The following DTNB variants were observed in gnomAD, a reference collection of about 807,000 sequenced individuals.
DTNB encodes dystrobrevin beta.
DTNB carries 63 observed loss-of-function variants against 90.7 expected under a neutral mutation model. The observed-to-expected ratio is 0.69, with a 90% CI of 0.57 to 0.86. The LOEUF (loss-of-function observed/expected upper bound fraction) is 0.86. Among genes scored for constraint, DTNB ranks in the 40% least tolerant of loss-of-function variants. DTNB has a pLI of 0.00. For synonymous variants in DTNB, 277 were observed against 286.7 expected (o/e 0.97, Z 0.34); for missense variants, 744 against 807.1 (o/e 0.92, Z 0.95).
At chr2:25,572,374 G>A (rs767608605) in intron 8 of DTNB, among the ~76,000 whole-genome samples, 30 of 151,988 alleles carry the variant, frequency 2.0e-4, no homozygotes, top group Non-Finnish European at 3.8e-4. Context: ...GGCTGAGGCA[G>A]GAGAATGGCG....
At chr2:25,543,831 T>C (rs1343509826) in intron 8 of DTNB, among the ~76,000 whole-genome samples, 1 of 152,244 alleles carries the variant, frequency 6.6e-6, no homozygotes, top group South Asian at 2.1e-4. Context: ...TTGTTGTTGC[T>C]GTTGTTAAAG....
chr2:25,620,500 T>C (rs564563666), intron 4 of DTNB, among the ~76,000 whole-genome samples: 2 of 152,264 alleles, frequency 1.3e-5, no homozygotes, highest in South Asian at 4.1e-4. Flanking sequence ...GCCCTTTCTT[T>C]TAAAAAAATA....
chr2:25,509,837 A>C (rs2073526228), intron 9 of DTNB, among the ~76,000 whole-genome samples: 1 of 139,394 alleles, frequency 7.2e-6, no homozygotes, highest in South Asian at 2.2e-4. Context: ...TGCAACCTCC[A>C]TCTCTTGGGT....
At chr2:25,535,224 T>TGG (rs2079224707) in intron 8 of DTNB, among the ~76,000 whole-genome samples, 1 of 123,508 alleles carries the variant, frequency 8.1e-6, no homozygotes, top group Non-Finnish European at 1.7e-5. Context: ...TCCCAGACTA[T>TGG]GGGTGGCCAG....
At chr2:25,607,519 A>C (rs1223994612) in intron 4 of DTNB, among the ~76,000 whole-genome samples, 198 bp from the exon 5 acceptor site, 1 of 152,110 alleles carries the variant, frequency 6.6e-6, no homozygotes, top group Admixed American at 6.6e-5. Context: ...AGAATGCTAA[A>C]GCTAGCCTGA....
chr2:25,548,962 A>G (rs927994313), intron 8 of DTNB, among the ~76,000 whole-genome samples: 2 of 152,178 alleles, frequency 1.3e-5, no homozygotes, highest in East Asian at 1.9e-4. Flanking sequence ...TTGTGCTGAC[A>G]CCAATTCTTG....
At chr2:25,491,083 C>A (rs1405196212) in intron 9 of DTNB, among the ~76,000 whole-genome samples, 3 of 149,816 alleles carry the variant, frequency 2.0e-5, no homozygotes, top group Admixed American at 2.0e-4. Context: ...CTAAAGTGAA[C>A]CTATATTATT....
At chr2:25,656,451 C>T (rs2082083770) in intron 1 of DTNB, among the ~76,000 whole-genome samples, 1 of 152,164 alleles carries the variant, frequency 6.6e-6, no homozygotes, top group African/African-American at 2.4e-5. Flanking sequence ...AATGTAAGTA[C>T]ATCTCTCTAC....
At chr2:25,410,385 G>C (rs150172049) in intron 16 of DTNB, among the ~76,000 whole-genome samples, 1 of 152,018 alleles carries the variant, frequency 6.6e-6, no homozygotes, top group Admixed American at 6.6e-5. Flanking sequence ...TTGTATCCTC[G>C]GACTCTTGTT....
At chr2:25,650,775 A>G (rs2080741623) in intron 2 of DTNB, among the ~76,000 whole-genome samples, 1 of 152,206 alleles carries the variant, frequency 6.6e-6, no homozygotes, top group East Asian at 1.9e-4. Context: ...AGCCCGGCCA[A>G]CATGGTGAAA....
intron 8 of DTNB, among the ~76,000 whole-genome samples, chr2:25,531,938 T>C (rs1024834863): frequency 3.3e-5 from 5 of 152,186 alleles, no homozygotes; most frequent in Non-Finnish European, 4.4e-5. Context: ...ATTAATTTCC[T>C]GATCAGAGTC....
In DTNB at chr2:25,606,188, A is replaced by AT. The variant is rs1238508820; in HGVS notation, c.448+1047dup. ...TCTGATCAAACCTCTGTATCTTTCA[A>AT]TTTAAAAAAAAAAAGGGCATGGAGG... is the stretch of plus-strand genomic sequence containing the variant. On this transcript the variant is annotated intron_variant, in intron 5 of 20. Coordinates refer to ENST00000406818, the MANE Select transcript of DTNB (RefSeq NM_021907.5). 5.6e-5 allele frequency among the ~76,000 whole-genome samples: 6 copies of AT among 107,748 alleles called. No homozygotes were observed. In the South Asian group the frequency reaches 1.2e-3, roughly 22 times the overall value. 70.7% of individuals were successfully genotyped at this position (107,748 alleles called of 152,430 possible). A position where few individuals can be genotyped will look rare whatever the true frequency, so the allele number is the denominator to read the frequency against.
intron 9 of DTNB, among the ~76,000 whole-genome samples, chr2:25,512,548 T>C (rs967970214): frequency 6.6e-6 from 1 of 152,090 alleles, no homozygotes; most frequent in Non-Finnish European, 1.5e-5. Context: ...ACTCAAGAAA[T>C]CCTTAAGGAA....
At chr2:25,456,085 G>A (rs1354462798) in intron 10 of DTNB, among the ~76,000 whole-genome samples, 2 of 152,142 alleles carry the variant, frequency 1.3e-5, no homozygotes, top group Admixed American at 6.6e-5. Flanking sequence ...CTCTGAGTGA[G>A]GCTCTCTCTT....
intron 1 of DTNB, among the ~76,000 whole-genome samples, chr2:25,661,080 CAT>C (rs1274198430): frequency 6.6e-6 from 1 of 152,182 alleles, no homozygotes; most frequent in Non-Finnish European, 1.5e-5. Context: ...GTTTACTGGT[CAT>C]ATGTGTTTCC....
intron 16 of DTNB, among the ~76,000 whole-genome samples, chr2:25,393,165 T>C (rs2041608086): frequency 6.6e-6 from 1 of 152,178 alleles, no homozygotes; most frequent in South Asian, 2.1e-4. Flanking sequence ...GAAAAAGCAT[T>C]AGACAAAATC....
At chr2:25,587,917 C>T (rs949176811) in intron 6 of DTNB, among the ~76,000 whole-genome samples, 6 of 151,740 alleles carry the variant, frequency 4.0e-5, no homozygotes, top group African/African-American at 1.5e-4. Flanking sequence ...TTTTTCTACC[C>T]CTAAGAAAGA....
intron 9 of DTNB, among the ~76,000 whole-genome samples, chr2:25,517,897 A>G (rs772947948): frequency 6.6e-6 from 1 of 152,244 alleles, no homozygotes; most frequent in Non-Finnish European, 1.5e-5. Flanking sequence ...ATCCTGTCAC[A>G]CGCTGCAACA....
chr2:25,515,580 T>TGC (rs2074934063), intron 9 of DTNB, among the ~76,000 whole-genome samples: 1 of 149,798 alleles, frequency 6.7e-6, no homozygotes, highest in East Asian at 1.9e-4. Context: ...TGCATTTATT[T>TGC]ATTTATTTAT....
Sources: gnomAD v4.1 joint callset for allele counts (sites outside exome capture counted in the v4.1 genomes callset) on GRCh38, gnomAD v4.1.1 for gene constraint, MANE v1.5 for transcripts, NCBI Gene and HGNC (gene_info 2026-07-23, HGNC 2026-07-21) for gene names.